PCDHGB6: variants seen among roughly 807,000 people sequenced by gnomAD.
The protein encoded by PCDHGB6 is protocadherin gamma-B6.
A neutral mutation model predicts 59.1 loss-of-function variants in PCDHGB6; 51 were observed. The ratio of observed to expected loss-of-function variants is 0.86; its 90% CI spans 0.69 to 1.09. The LOEUF is 1.09. Ranked by LOEUF, PCDHGB6 falls within the 50% of genes least tolerant of loss-of-function variation. The pLI is 0.00. For missense variants in PCDHGB6, 1,148 were observed against 1,205.1 expected (o/e 0.95, Z 0.70); for synonymous variants, 466 against 495.1 (o/e 0.94, Z 0.78).
At chr5:141,481,220 C>T (rs896803040) in intron 1 of PCDHGB6, among the ~76,000 whole-genome samples, 1 of 152,130 alleles carries the variant, frequency 6.6e-6, no homozygotes, top group African/African-American at 2.4e-5. Context: ...GGTAAGGTCT[C>T]CCAGCCTTAA....
At chr5:141,471,504 G>A (rs1487198851) in intron 1 of PCDHGB6, 1 of 152,214 alleles carries the variant, frequency 6.6e-6, no homozygotes, top group Non-Finnish European at 1.5e-5. Flanking sequence ...ATGCAAGAGA[G>A]GGAGTAAAAA....
chr5:141,466,686 T>G (rs112499949), intron 1 of PCDHGB6, among the ~76,000 whole-genome samples: 2 of 152,352 alleles, frequency 1.3e-5, no homozygotes, highest in African/African-American at 4.8e-5. Flanking sequence ...CCACTCAAGC[T>G]TCATCATAAA....
chr5:141,482,102 A>T (rs1016315214), intron 1 of PCDHGB6, among the ~76,000 whole-genome samples: 13 of 151,860 alleles, frequency 8.6e-5, no homozygotes, highest in African/African-American at 2.7e-4. Context: ...AAAAAAAAAA[A>T]AAATATCTAG....
intron 1 of PCDHGB6, 72 bp from the exon 2 acceptor site, chr5:141,494,735 A>C: frequency 6.2e-7 from 1 of 1,610,712 alleles, no homozygotes; most frequent in Middle Eastern, 1.7e-4. Context: ...CTCCCGGCCC[A>C]TCCCTAGGGG....
At chr5:141,502,914 T>G (rs78646636) in intron 2 of PCDHGB6, among the ~76,000 whole-genome samples, 4,865 of 139,540 alleles carry the variant, frequency 0.035, 119 homozygotes, top group South Asian at 0.075. Flanking sequence ...CAGGCTGGAG[T>G]GCAGTGGCAA....
rs2096370584 is a variant in PCDHGB6 at position 141,419,372 on chromosome 5, G to A, written c.2418+8752G>A. On this transcript the variant is annotated intron_variant, in intron 1 of 3. Coordinates refer to ENST00000520790, the MANE Select transcript of PCDHGB6 (RefSeq NM_018926.3). The stretch of plus-strand genomic sequence containing the variant: ...GGAGTCACGAACGCTGTCGTCCTAC[G>A]TGTCCGTGAGCGCGCAGAGCGGGGT... 2 of 1,613,728 alleles carry A rather than the reference G, an allele frequency of 1.2e-6. No homozygotes were observed. Among genetic ancestry groups the A allele is most frequent in the South Asian group, 1.1e-5 (1 of 91,088 alleles).
In PCDHGB6 at chr5:141,476,218, C is replaced by G. The variant is rs1562052166; in HGVS notation, c.2419-18589C>G. On this transcript the variant is annotated intron_variant, in intron 1 of 3. Transcript: ENST00000520790. The surrounding 1 kb of genome is among the most constrained non-coding windows in gnomAD (Gnocchi z 7.6). ...TGAACAAGGCTTCCACGGTCATTCA[C>G]TATGAGATCCCGGAGGAAAGAGAGA... is the stretch of plus-strand genomic sequence containing the variant. 1 of 1,613,984 alleles carries G rather than the reference C, an allele frequency of 6.2e-7. No homozygotes were observed.
intron 1 of PCDHGB6, among the ~76,000 whole-genome samples, chr5:141,460,369 T>C (rs1048970945): frequency 2.1e-4 from 32 of 152,322 alleles, no homozygotes; most frequent in African/African-American, 7.7e-4. Flanking sequence ...AGTTTTATAG[T>C]TTTACCATTT....
At chr5:141,482,530 C>CAAAAAAAAAAAAAAA (rs3074545) in intron 1 of PCDHGB6, among the ~76,000 whole-genome samples, 1 of 76,562 alleles carries the variant, frequency 1.3e-5, no homozygotes, top group African/African-American at 4.8e-5. Flanking sequence ...GACAGACATG[C>CAAAAAAAAAAAAAAA]AAAAAAAAAA....
intron 1 of PCDHGB6, chr5:141,419,798 A>G: frequency 6.2e-7 from 1 of 1,614,050 alleles, no homozygotes; most frequent in Admixed American, 1.7e-5. Flanking sequence ...AGTCGCTGTA[A>G]GAGATGGAGG....
Position 141,432,485 on chromosome 5 carries a change from G to C in PCDHGB6, c.2418+21865G>C. 6.2e-7 allele frequency: 1 copy of C among 1,614,186 alleles called. No individual in the cohort carries two copies. The highest frequency in any genetic ancestry group is 8.5e-7 in the Non-Finnish European group (1 of 1,180,040). On this transcript the variant is annotated intron_variant, in intron 1 of 3. Coordinates refer to ENST00000520790, the MANE Select transcript of PCDHGB6 (RefSeq NM_018926.3). The surrounding 1 kb of genome is among the most constrained non-coding windows in gnomAD (Gnocchi z 6.0). ...CCCCACGGACGGTTCCACTGGCGTG[G>C]AGCTGGCTCCCCGCTCCGCAGAGCC...
At chr5:141,465,923 C>G (rs908350232) in intron 1 of PCDHGB6, among the ~76,000 whole-genome samples, 2 of 152,062 alleles carry the variant, frequency 1.3e-5, no homozygotes, top group African/African-American at 4.8e-5. Flanking sequence ...GATTTCGAGT[C>G]CATCCTGGCT....
chr5:141,481,352 C>T (rs1007066307), intron 1 of PCDHGB6, among the ~76,000 whole-genome samples: 3 of 152,222 alleles, frequency 2.0e-5, no homozygotes, highest in East Asian at 1.9e-4. Flanking sequence ...TAAACATCTA[C>T]AGCTGTTCAA....
intron 1 of PCDHGB6, among the ~76,000 whole-genome samples, chr5:141,438,678 G>C (rs2098050264): frequency 7.1e-6 from 1 of 140,560 alleles, no homozygotes; most frequent in African/African-American, 2.6e-5. Context: ...ATTTGGAGTA[G>C]GGGATGGAGT....
At chr5:141,464,422 TATAG>T (rs2099083887) in intron 1 of PCDHGB6, among the ~76,000 whole-genome samples, 1 of 151,672 alleles carries the variant, frequency 6.6e-6, no homozygotes, top group African/African-American at 2.4e-5. Context: ...TATCTATATA[TATAG>T]ATATATATGT....
At chr5:141,450,702 G>A (rs1466981422) in intron 1 of PCDHGB6, among the ~76,000 whole-genome samples, 1 of 152,026 alleles carries the variant, frequency 6.6e-6, no homozygotes, top group Non-Finnish European at 1.5e-5. Flanking sequence ...GCCCAGGATG[G>A]TCTCCAACTC....
In PCDHGB6 at chr5:141,485,089, G is replaced by C; in HGVS notation, c.2419-9718G>C. 9.7e-7 allele frequency: 1 copy of C among 1,027,236 alleles called. No individual in the cohort carries two copies. The highest frequency in any genetic ancestry group is 1.5e-6 in the Non-Finnish European group (1 of 674,564). The allele number at this position is 1,027,236 out of a possible 1,614,324, so 63.6% of individuals were successfully genotyped here. On this transcript the variant is annotated intron_variant, in intron 1 of 3. Coordinates refer to ENST00000520790, the MANE Select transcript of PCDHGB6 (RefSeq NM_018926.3). This position sits in a 1 kb window ranked among gnomAD's most constrained non-coding sequence, Gnocchi z 5.7. ...GAGCTGGCGCGGGGAAAGGGAGATA[G>C]GTGTCTCCAGCTGCTGTGGCTGTTT... is the stretch of plus-strand genomic sequence containing the variant.
At position 141,431,604 on chromosome 5, in the gene PCDHGB6, G is replaced by A; in HGVS notation, c.2418+20984G>A. On this transcript the variant is annotated intron_variant, in intron 1 of 3. Coordinates refer to ENST00000520790, the MANE Select transcript of PCDHGB6 (RefSeq NM_018926.3). The surrounding 1 kb of genome is among the most constrained non-coding windows in gnomAD (Gnocchi z 4.8). ...AATGCGGAAGTGAGGTATTCCTTCCGGTATGTGGACGACAAGGCGGCCCAA... is the reference window on the plus strand; with the variant it reads ...AATGCGGAAGTGAGGTATTCCTTCCAGTATGTGGACGACAAGGCGGCCCAA... 8 of 1,614,206 alleles carry A rather than the reference G, an allele frequency of 5.0e-6. No individual in the cohort carries two copies. Among genetic ancestry groups the A allele is most frequent in the Non-Finnish European group, 6.8e-6 (8 of 1,180,046 alleles).
intron 1 of PCDHGB6, chr5:141,430,946 G>C: frequency 6.2e-7 from 1 of 1,609,494 alleles, no homozygotes. Context: ...CGCGGAGCGC[G>C]GAGTCCGCAT....
Sources: allele counts gnomAD v4.1 joint callset (sites outside exome capture counted in the v4.1 genomes callset), GRCh38; gene constraint gnomAD v4.1.1; non-coding constraint Gnocchi (gnomAD v3.1); transcripts MANE v1.5; gene names NCBI Gene and HGNC (gene_info 2026-07-23, HGNC 2026-07-21).